PLCB1: variants seen among roughly 807,000 people sequenced by gnomAD.
PLCB1 encodes the protein 1-phosphatidylinositol 4,5-bisphosphate phosphodiesterase beta-1.
A neutral mutation model predicts 161.8 loss-of-function variants in PLCB1; 46 were observed. The observed-to-expected ratio is 0.28, with a 90% CI of 0.22 to 0.36. The LOEUF is 0.36. PLCB1 is among the 10% of genes least tolerant of loss of function. The pLI is 1.00. For missense variants in PLCB1, 1,016 were observed against 1,472.5 expected (o/e 0.69, Z 5.07); for synonymous variants, 517 against 503.7 (o/e 1.03, Z -0.35).
intron 2 of PLCB1, among the ~76,000 whole-genome samples, chr20:8,238,752 C>A (rs1568601458): frequency 6.6e-6 from 1 of 151,756 alleles, no homozygotes; most frequent in East Asian, 1.9e-4. Context: ...CCTGTGGTTT[C>A]AAATGTTATA....
chr20:8,805,205 T>A (rs891566160), intron 31 of PLCB1, among the ~76,000 whole-genome samples: 2 of 152,176 alleles, frequency 1.3e-5, no homozygotes, highest in Non-Finnish European at 2.9e-5. Context: ...CAGCTAGACC[T>A]TAATAGGTGA....
intron 3 of PLCB1, among the ~76,000 whole-genome samples, chr20:8,414,363 C>G (rs79822213): frequency 0.02 from 3,102 of 152,174 alleles, 114 homozygotes; most frequent in African/African-American, 0.07. Context: ...AAAAAACAAA[C>G]AAACAAAAAC....
intron 31 of PLCB1, among the ~76,000 whole-genome samples, chr20:8,849,612 G>A (rs1232403810): frequency 2.0e-5 from 3 of 151,958 alleles, no homozygotes; most frequent in African/African-American, 7.3e-5. Context: ...GGAGGTGGAG[G>A]TTGCGTTGAG....
At chr20:8,660,070 A>G (rs980832027) in intron 9 of PLCB1, among the ~76,000 whole-genome samples, 1 of 151,432 alleles carries the variant, frequency 6.6e-6, no homozygotes, top group Non-Finnish European at 1.5e-5. Flanking sequence ...ACATGCTACT[A>G]GTTGGGAATT....
intron 3 of PLCB1, among the ~76,000 whole-genome samples, chr20:8,418,894 G>A (rs1020538800): frequency 6.6e-6 from 1 of 152,072 alleles, no homozygotes; most frequent in Non-Finnish European, 1.5e-5. Context: ...CCATTTCATT[G>A]TCTGCCTACA....
intron 2 of PLCB1, among the ~76,000 whole-genome samples, chr20:8,198,061 A>G (rs535578937): frequency 6.6e-6 from 1 of 152,256 alleles, no homozygotes; most frequent in South Asian, 2.1e-4. Context: ...TGGTTACTGT[A>G]GCCTTGTAGT....
intron 2 of PLCB1, among the ~76,000 whole-genome samples, chr20:8,257,672 C>T (rs1201393523): frequency 1.3e-5 from 2 of 152,150 alleles, no homozygotes; most frequent in African/African-American, 4.8e-5. Flanking sequence ...ATACACAGGC[C>T]AGTGATCAAT....
intron 2 of PLCB1, among the ~76,000 whole-genome samples, chr20:8,315,227 A>T (rs546847341): frequency 6.6e-6 from 1 of 152,194 alleles, no homozygotes; most frequent in Non-Finnish European, 1.5e-5. Context: ...TGACCGAGGA[A>T]GTAACATATA....
chr20:8,839,468 C>T (rs1568620098), intron 31 of PLCB1, among the ~76,000 whole-genome samples: 1 of 152,148 alleles, frequency 6.6e-6, no homozygotes, highest in Non-Finnish European at 1.5e-5. Flanking sequence ...AGCTCTGTCA[C>T]TTGGGCCATA....
intron 4 of PLCB1, among the ~76,000 whole-genome samples, chr20:8,639,655 T>G (rs1988877072): frequency 6.6e-6 from 1 of 152,208 alleles, no homozygotes; most frequent in Admixed American, 6.5e-5. Flanking sequence ...TGGATATTTT[T>G]TTTTCAGTTG....
At chr20:8,558,003 C>T (rs1457794951) in intron 3 of PLCB1, among the ~76,000 whole-genome samples, 1 of 151,450 alleles carries the variant, frequency 6.6e-6, no homozygotes. Flanking sequence ...CGGGTGATTA[C>T]CAGAGCCTGG....
At chr20:8,186,518 T>C (rs1056170855) in intron 2 of PLCB1, among the ~76,000 whole-genome samples, 5 of 152,182 alleles carry the variant, frequency 3.3e-5, no homozygotes, top group African/African-American at 9.7e-5. Flanking sequence ...AGAGAAAGTT[T>C]TTCTATGTGC....
intron 2 of PLCB1, among the ~76,000 whole-genome samples, chr20:8,317,936 C>A (rs965056793): frequency 6.6e-6 from 1 of 151,066 alleles, no homozygotes; most frequent in Admixed American, 6.6e-5. Flanking sequence ...TTCTCCTGGG[C>A]ACTACTGGCA....
At chr20:8,722,477 G>T in intron 15 of PLCB1, 56 bp downstream of exon 15, 1 of 1,278,770 alleles carries the variant, frequency 7.8e-7, no homozygotes, top group Non-Finnish European at 1.1e-6. Flanking sequence ...TACTCTCCTG[G>T]GTCTGTCTCA....
At chr20:8,632,035 C>CTTTTTTTTTTTGTT (rs1568537430) in intron 4 of PLCB1, among the ~76,000 whole-genome samples, 46 of 45,980 alleles carry the variant, frequency 1.0e-3, no homozygotes, top group South Asian at 2.1e-3. Context: ...GTTTTTTTTG[C>CTTTTTTTTTTTGTT]TTTTTTTTTT....
intron 26 of PLCB1, 85 bp downstream of exon 26, chr20:8,765,443 G>A: frequency 9.9e-7 from 1 of 1,014,182 alleles, no homozygotes; most frequent in South Asian, 1.7e-5. Flanking sequence ...CATATTTTTG[G>A]ACCTGTACCA....
At chr20:8,708,207 T>C (rs1202155635) in intron 11 of PLCB1, among the ~76,000 whole-genome samples, 1 of 152,174 alleles carries the variant, frequency 6.6e-6, no homozygotes, top group Non-Finnish European at 1.5e-5. Flanking sequence ...ATAACAAAGC[T>C]TTTTAAAAAT....
intron 2 of PLCB1, among the ~76,000 whole-genome samples, chr20:8,211,656 T>G (rs1978830759): frequency 6.6e-6 from 1 of 152,076 alleles, no homozygotes; most frequent in South Asian, 2.1e-4. Context: ...ATATAGACTG[T>G]GTTGTTTTGA....
At chr20:8,141,692 A>C (rs1353609407) in intron 1 of PLCB1, among the ~76,000 whole-genome samples, 1 of 151,926 alleles carries the variant, frequency 6.6e-6, no homozygotes, top group Non-Finnish European at 1.5e-5. Context: ...TACATCAGTC[A>C]GTCAGCGTGG....
Sources: allele counts gnomAD v4.1 joint callset (sites outside exome capture counted in the v4.1 genomes callset), GRCh38; gene constraint gnomAD v4.1.1; transcripts MANE v1.5; gene names NCBI Gene and HGNC (gene_info 2026-07-23, HGNC 2026-07-21).